The following CNTNAP2 variants were observed in gnomAD, a reference collection of about 807,000 sequenced individuals.
The protein encoded by CNTNAP2 is contactin associated protein 2, also known as contactin-associated protein-like 2.
Under a neutral mutation model 155.2 loss-of-function variants are expected in CNTNAP2, and 98 were observed. The ratio of observed to expected loss-of-function variants is 0.63; its 90% CI spans 0.54 to 0.75. CNTNAP2 has a LOEUF of 0.75. CNTNAP2 is among the 30% of genes least tolerant of loss of function. The pLI is 0.00. For missense variants in CNTNAP2, 1,727 were observed against 1,688.1 expected (o/e 1.02, Z -0.40); for synonymous variants, 651 against 631.2 (o/e 1.03, Z -0.47).
intron 1 of CNTNAP2, among the ~76,000 whole-genome samples, chr7:146,412,781 G>T (rs1232898237): frequency 6.6e-6 from 1 of 152,146 alleles, no homozygotes; most frequent in Non-Finnish European, 1.5e-5. Flanking sequence ...TTAGAAAGCT[G>T]GCAAATTTTC....
chr7:146,975,474 A>G (rs1323469592), intron 3 of CNTNAP2, among the ~76,000 whole-genome samples: 1 of 152,102 alleles, frequency 6.6e-6, no homozygotes, highest in African/African-American at 2.4e-5. Context: ...AAGAAAAAAT[A>G]ATAATAAACA....
intron 1 of CNTNAP2, among the ~76,000 whole-genome samples, chr7:146,630,878 A>G (rs1455533081): frequency 7.9e-5 from 12 of 152,270 alleles, no homozygotes; most frequent in African/African-American, 2.9e-4. Context: ...TTCAAGGAGT[A>G]TTACAAACCA....
At chr7:146,828,608 T>C (rs928529458) in intron 2 of CNTNAP2, among the ~76,000 whole-genome samples, 1 of 152,058 alleles carries the variant, frequency 6.6e-6, no homozygotes, top group Non-Finnish European at 1.5e-5. Context: ...AGAAAAAGTT[T>C]AATTTAGAAA....
chr7:147,240,766 T>C (rs993066506), intron 8 of CNTNAP2, among the ~76,000 whole-genome samples: 2 of 152,200 alleles, frequency 1.3e-5, no homozygotes, highest in Non-Finnish European at 2.9e-5. Flanking sequence ...CCTCACTTTG[T>C]TTAATTACAT....
chr7:148,358,581 G>A (rs924044901), intron 21 of CNTNAP2, among the ~76,000 whole-genome samples: 7 of 152,168 alleles, frequency 4.6e-5, no homozygotes, highest in African/African-American at 1.2e-4. Flanking sequence ...TGTAGAAACC[G>A]CAATTAGGGG....
chr7:146,830,723 A>G (rs1305101414), intron 2 of CNTNAP2, among the ~76,000 whole-genome samples: 1 of 152,204 alleles, frequency 6.6e-6, no homozygotes, highest in Non-Finnish European at 1.5e-5. Context: ...CCAGCCAGTG[A>G]AAAACATTTA....
At position 148,179,774 on chromosome 7, in the gene CNTNAP2, G is replaced by GAA. The variant is rs1795005425; in HGVS notation, c.3010+7297_3010+7298dup. On this transcript the variant is annotated intron_variant, in intron 18 of 23. Transcript: ENST00000361727. ...GGAGAGAGAGAGAAGCAGAGAAAGA[G>GAA]AAGAAAAGAAAAGAAAGGTCCCAGA... Among the ~76,000 whole-genome samples the GAA allele has an allele frequency of 6.6e-5, 10 of 151,864 alleles. No homozygotes were observed. In the South Asian group the frequency reaches 1.2e-3, roughly 19 times the overall value.
At chr7:147,931,542 A>G (rs1049425515) in intron 14 of CNTNAP2, among the ~76,000 whole-genome samples, 1 of 152,228 alleles carries the variant, frequency 6.6e-6, no homozygotes, top group Non-Finnish European at 1.5e-5. Context: ...AAAATTCCTT[A>G]ATAAAATACT....
chr7:148,265,919 C>T (rs964218517), intron 20 of CNTNAP2, among the ~76,000 whole-genome samples: 1 of 152,210 alleles, frequency 6.6e-6, no homozygotes, highest in East Asian at 1.9e-4. Flanking sequence ...TCTTTCTTCA[C>T]TGCCACTCTC....
At chr7:147,264,623 G>A (rs753776700) in intron 8 of CNTNAP2, among the ~76,000 whole-genome samples, 9 of 150,282 alleles carry the variant, frequency 6.0e-5, no homozygotes, top group Non-Finnish European at 1.3e-4. Flanking sequence ...GCCTCAGGCC[G>A]AGGAGATGCC....
chr7:146,561,574 G>T (rs1476163461), intron 1 of CNTNAP2, among the ~76,000 whole-genome samples: 1 of 152,002 alleles, frequency 6.6e-6, no homozygotes, highest in Non-Finnish European at 1.5e-5. Context: ...CGGGAGCGTC[G>T]CTTGACCTAG....
chr7:147,240,364 G>A lies in CNTNAP2; in HGVS notation c.1349-59777G>A, dbSNP rs562401710. On this transcript the variant is annotated intron_variant, in intron 8 of 23. Transcript: ENST00000361727. Reference sequence around the variant, plus strand: ...TGCATAGTATTTATTTTATAATGTCGTGGCAATGAGCAAATACAGGTAAAC... The same window carrying A: ...TGCATAGTATTTATTTTATAATGTCATGGCAATGAGCAAATACAGGTAAAC... Among the ~76,000 whole-genome samples the A allele has an allele frequency of 2.1e-4, 32 of 152,222 alleles. No homozygotes were observed. The South Asian group carries it at 2.9e-3, about 14-fold the overall frequency.
chr7:146,679,347 C>CATT (rs766029712), intron 1 of CNTNAP2, among the ~76,000 whole-genome samples: 1 of 106,928 alleles, frequency 9.4e-6, no homozygotes, highest in Non-Finnish European at 1.7e-5. Flanking sequence ...GATCTTGTTT[C>CATT]TTTTTTTTTT....
chr7:146,677,525 T>C (rs1585038126), intron 1 of CNTNAP2, among the ~76,000 whole-genome samples: 1 of 152,138 alleles, frequency 6.6e-6, no homozygotes, highest in African/African-American at 2.4e-5. Flanking sequence ...TTCAGATGAC[T>C]GGGGGCCTTA....
intron 8 of CNTNAP2, among the ~76,000 whole-genome samples, chr7:147,213,267 G>C (rs941731326): frequency 7.9e-5 from 12 of 152,108 alleles, no homozygotes; most frequent in African/African-American, 2.9e-4. Flanking sequence ...TCGTCTCTTT[G>C]TTCTATCCAA....
At chr7:147,236,022 A>T (rs1803796288) in intron 8 of CNTNAP2, among the ~76,000 whole-genome samples, 1 of 152,078 alleles carries the variant, frequency 6.6e-6, no homozygotes, top group South Asian at 2.1e-4. Context: ...CTCTTTTCCA[A>T]CTGGAAAAAT....
chr7:148,081,000 G>A (rs1202697097), intron 15 of CNTNAP2, among the ~76,000 whole-genome samples: 3 of 152,268 alleles, frequency 2.0e-5, no homozygotes, highest in Admixed American at 2.0e-4. Context: ...TGGAAACCGT[G>A]CATACAGATG....
At chr7:146,944,876 TA>T (rs926343251) in intron 3 of CNTNAP2, among the ~76,000 whole-genome samples, 238 of 141,176 alleles carry the variant, frequency 1.7e-3, no homozygotes, top group Admixed American at 1.9e-3. Context: ...AGACTCCGTC[TA>T]AAAAAAAAAA....
chr7:148,012,456 A>G (rs1802097757), intron 15 of CNTNAP2, among the ~76,000 whole-genome samples: 1 of 152,366 alleles, frequency 6.6e-6, no homozygotes, highest in Non-Finnish European at 1.5e-5. Flanking sequence ...CAGTTATGCA[A>G]CAGGCATAAG....
Sources: gnomAD v4.1 joint callset for allele counts (sites outside exome capture counted in the v4.1 genomes callset) on GRCh38, gnomAD v4.1.1 for gene constraint, MANE v1.5 for transcripts, NCBI Gene and HGNC (gene_info 2026-07-23, HGNC 2026-07-21) for gene names.